SHLD2: variants seen among roughly 807,000 people sequenced by gnomAD.
SHLD2 encodes the protein shieldin complex subunit 2, also known as RINN1-REV7-interacting novel NHEJ regulator 2.
Under a neutral mutation model 73.2 loss-of-function variants are expected in SHLD2, and 30 were observed. The observed-to-expected ratio is 0.41, with a 90% CI of 0.31 to 0.56. The LOEUF is 0.56. Ranked by LOEUF, SHLD2 falls within the 20% of genes least tolerant of loss-of-function variation. The pLI is 0.28. For missense variants in SHLD2, 745 were observed against 1,055.9 expected (o/e 0.71, Z 4.08); for synonymous variants, 285 against 370.1 (o/e 0.77, Z 2.64).
intron 2 of SHLD2, among the ~76,000 whole-genome samples, chr10:87,101,703 G>A (rs1842278023): frequency 6.6e-6 from 1 of 152,234 alleles, no homozygotes; most frequent in Non-Finnish European, 1.5e-5. Flanking sequence ...GAGGCCAGGA[G>A]TTTCAGATCA....
At chr10:87,103,509 A>T (rs968313538) in intron 2 of SHLD2, among the ~76,000 whole-genome samples, 2 of 152,170 alleles carry the variant, frequency 1.3e-5, no homozygotes, top group Non-Finnish European at 2.9e-5. Context: ...GTGTTTTTCA[A>T]GTATTGGTCA....
intron 2 of SHLD2, among the ~76,000 whole-genome samples, chr10:87,114,780 C>T (rs1461884636): frequency 6.6e-6 from 1 of 152,006 alleles, no homozygotes; most frequent in Non-Finnish European, 1.5e-5. Context: ...GAAGAAATAA[C>T]AATAGCTATA....
upstream of SHLD2, chr10:87,094,718 C>T: frequency 6.6e-7 from 1 of 1,509,994 alleles, no homozygotes; most frequent in Non-Finnish European, 8.9e-7. This position sits in a 1 kb window ranked among gnomAD's most constrained non-coding sequence, Gnocchi z 6.6. Context: ...GAGCCCAGGG[C>T]AGCGGGCCCG....
At chr10:87,167,594 G>A (rs1431591323) in intron 4 of SHLD2, among the ~76,000 whole-genome samples, 10 of 152,072 alleles carry the variant, frequency 6.6e-5, no homozygotes, top group Non-Finnish European at 1.2e-4. Flanking sequence ...TGAAGCCCTC[G>A]AGCAATTGCA....
At chr10:87,116,368 TTGAAGA>T (rs965944698) in intron 2 of SHLD2, among the ~76,000 whole-genome samples, 22 of 150,610 alleles carry the variant, frequency 1.5e-4, no homozygotes, top group African/African-American at 5.4e-4. Context: ...AAGGGAGAAG[TTGAAGA>T]TGTAGAATAA....
intron 2 of SHLD2, chr10:87,115,597 T>G (rs867450822): frequency 2.0e-5 from 3 of 152,022 alleles, no homozygotes; most frequent in Admixed American, 2.0e-4. Flanking sequence ...GTTAAAACGT[T>G]CAGATTGTCA....
intron 2 of SHLD2, among the ~76,000 whole-genome samples, chr10:87,127,534 CCCCCA>C (rs1207831770): frequency 1.4e-5 from 1 of 70,676 alleles, no homozygotes; most frequent in Non-Finnish European, 2.8e-5. Context: ...TACCCGCCCC[CCCCCA>C]CCCCGTCTGC....
chr10:87,153,085 CCTT>C (rs1354741801), intron 3 of SHLD2, among the ~76,000 whole-genome samples: 1 of 152,154 alleles, frequency 6.6e-6, no homozygotes, highest in African/African-American at 2.4e-5. Context: ...TCTGTTCTAT[CCTT>C]CTCAGCTCTG....
chr10:87,098,809 T>G (rs756268086), intron 2 of SHLD2, among the ~76,000 whole-genome samples: 4 of 152,198 alleles, frequency 2.6e-5, no homozygotes, highest in Non-Finnish European at 5.9e-5. Flanking sequence ...AGGGTCTCAC[T>G]GTGTCACCCA....
At chr10:87,104,781 C>A (rs1382499523) in intron 2 of SHLD2, among the ~76,000 whole-genome samples, 3 of 151,928 alleles carry the variant, frequency 2.0e-5, no homozygotes, top group East Asian at 3.9e-4. Context: ...CTGCTTCAGC[C>A]TCCCGAGTAG....
chr10:87,175,733 T>C (rs1847913448), intron 6 of SHLD2, among the ~76,000 whole-genome samples, 156 bp from the exon 7 acceptor site: 1 of 152,116 alleles, frequency 6.6e-6, no homozygotes, highest in Non-Finnish European at 1.5e-5. Context: ...TTCTGTTGTC[T>C]TAATGCATCA....
intron 2 of SHLD2, among the ~76,000 whole-genome samples, chr10:87,103,607 AT>A (rs1184522117): frequency 1.3e-5 from 2 of 152,284 alleles, no homozygotes; most frequent in East Asian, 3.9e-4. Context: ...TTTCTAACTG[AT>A]TTTCAGAGAA....
chr10:87,100,863 C>G (rs779887321), intron 2 of SHLD2, among the ~76,000 whole-genome samples: 83 of 152,172 alleles, frequency 5.5e-4, no homozygotes, highest in Middle Eastern at 3.4e-3. Context: ...TATTCTATCT[C>G]CATATGAATT....
At chr10:87,172,067 C>T (rs1847628309) in intron 6 of SHLD2, among the ~76,000 whole-genome samples, 1 of 152,122 alleles carries the variant, frequency 6.6e-6, no homozygotes, top group Non-Finnish European at 1.5e-5. Context: ...TTACAGTTGT[C>T]TCTAGGTGAT....
chr10:87,131,481 A>C (rs1190226713), intron 2 of SHLD2, among the ~76,000 whole-genome samples: 1 of 152,130 alleles, frequency 6.6e-6, no homozygotes, highest in Non-Finnish European at 1.5e-5. Context: ...GCCTTTTGTC[A>C]CATGTTTTCA....
chr10:87,176,045 C>G lies in SHLD2; in HGVS notation c.2120C>G (p.Ser707Cys). ...GCAAAATTTCAAAAAAGTGCACCCTCCTTTGTGAAGATATCAGACTTAGCA... is the reference window on the plus strand; with the variant it reads ...GCAAAATTTCAAAAAAGTGCACCCTGCTTTGTGAAGATATCAGACTTAGCA... ...FKAKFQKSAPSFVKISDLATH... is the reference protein window; with the variant it reads ...FKAKFQKSAPCFVKISDLATH... The change falls in exon 7 of 10, where the codon TCC becomes TGC. Residue 707 changes from serine to cysteine, a missense_variant. Physicochemically the swap from Ser to Cys is moderately radical, Grantham distance 112. This residue lies in a region of SHLD2 where 418 missense variants were observed against 567.8 expected (regional missense o/e 0.74). Coordinates refer to ENST00000298786, the MANE Select transcript of SHLD2 (RefSeq NM_001330112.2). 6.5e-7 allele frequency: 1 copy of G among 1,548,338 alleles called. No individual in the cohort carries two copies.
At chr10:87,110,255 C>T (rs1432164250) in intron 2 of SHLD2, among the ~76,000 whole-genome samples, 1 of 151,976 alleles carries the variant, frequency 6.6e-6, no homozygotes, top group African/African-American at 2.4e-5. Context: ...TACCACTGCA[C>T]TCCAGCCTGG....
At chr10:87,178,235 C>CAA (rs71019476) in intron 7 of SHLD2, among the ~76,000 whole-genome samples, 3,480 of 31,026 alleles carry the variant, frequency 0.11, 654 homozygotes, top group Middle Eastern at 0.15. Flanking sequence ...TACTCTGTCT[C>CAA]AAAAAAAAAA....
At chr10:87,094,618 C>G (rs779728753), upstream of SHLD2, 6 of 1,609,984 alleles carry the variant, frequency 3.7e-6, no homozygotes, top group Non-Finnish European at 5.1e-6. This position sits in a 1 kb window ranked among gnomAD's most constrained non-coding sequence, Gnocchi z 6.6. Context: ...GCTGTAGTGG[C>G]GCCGGGCGGC....
Sources: gnomAD v4.1 joint callset for allele counts (sites outside exome capture counted in the v4.1 genomes callset) on GRCh38, gnomAD v4.1.1 for gene constraint, gnomAD v4.1.1 regional missense constraint, Gnocchi (gnomAD v3.1) non-coding constraint, MANE v1.5 for transcripts, NCBI Gene and HGNC (gene_info 2026-07-23, HGNC 2026-07-21) for gene names.